FRMD5: variants seen among roughly 807,000 people sequenced by gnomAD.
The protein encoded by FRMD5 is FERM domain-containing protein 5.
In FRMD5, 20 loss-of-function variants were observed where a neutral mutation model predicts 69.0. The observed-to-expected ratio is 0.29, with a 90% CI of 0.20 to 0.42. The LOEUF (loss-of-function observed/expected upper bound fraction) is 0.42, where lower values mean the gene tolerates loss of function less well. Ranked by LOEUF, FRMD5 falls within the 10% of genes least tolerant of loss-of-function variation. The pLI is 1.00. For synonymous variants in FRMD5, 271 were observed against 260.1 expected (o/e 1.04, Z -0.40); for missense variants, 595 against 708.6 (o/e 0.84, Z 1.82).
At chr15:43,918,518 A>G (rs141699680) in intron 4 of FRMD5, among the ~76,000 whole-genome samples, 1 of 152,232 alleles carries the variant, frequency 6.6e-6, no homozygotes, top group East Asian at 1.9e-4. Flanking sequence ...CTAGGAGTGG[A>G]TCTCAAAGCC....
chr15:44,005,431 A>G (rs889935595), intron 1 of FRMD5, among the ~76,000 whole-genome samples: 3 of 132,634 alleles, frequency 2.3e-5, no homozygotes, highest in African/African-American at 5.5e-5. Flanking sequence ...AGATCACGCC[A>G]TTGCACTCCA....
chr15:43,971,610 G>C (rs1339510163), intron 1 of FRMD5, among the ~76,000 whole-genome samples: 1 of 148,946 alleles, frequency 6.7e-6, no homozygotes, highest in East Asian at 2.0e-4. Context: ...CTTGAACCCA[G>C]GAGGTGGAGG....
At chr15:44,072,936 C>A (rs1332566373) in intron 1 of FRMD5, among the ~76,000 whole-genome samples, 2 of 152,162 alleles carry the variant, frequency 1.3e-5, no homozygotes, top group Non-Finnish European at 2.9e-5. Flanking sequence ...TCAAGACCAA[C>A]CTGGGCAACA....
intron 1 of FRMD5, among the ~76,000 whole-genome samples, chr15:44,175,775 A>C (rs964123847): frequency 2.6e-5 from 4 of 152,222 alleles, no homozygotes; most frequent in Non-Finnish European, 5.9e-5. Flanking sequence ...AATAGTACTC[A>C]GCAATGAAAT....
chr15:44,196,021 A>G (rs1308691258), upstream of FRMD5, among the ~76,000 whole-genome samples: 3 of 152,316 alleles, frequency 2.0e-5, no homozygotes, highest in East Asian at 5.8e-4. Flanking sequence ...TCTCAATAGA[A>G]CAACATAGTA....
At chr15:44,059,672 C>A (rs1349752085) in intron 1 of FRMD5, among the ~76,000 whole-genome samples, 2 of 151,950 alleles carry the variant, frequency 1.3e-5, no homozygotes, top group East Asian at 3.9e-4. Context: ...CCACCACGCC[C>A]AGCTAATTTT....
chr15:44,133,595 A>C (rs1012467889), intron 1 of FRMD5, among the ~76,000 whole-genome samples: 2 of 138,130 alleles, frequency 1.4e-5, no homozygotes, highest in Non-Finnish European at 3.2e-5. Context: ...AAAAAAAAAA[A>C]CTGAAAAAAG....
At chr15:44,192,240 T>C (rs2078209433) in intron 1 of FRMD5, among the ~76,000 whole-genome samples, 1 of 152,118 alleles carries the variant, frequency 6.6e-6, no homozygotes, top group Non-Finnish European at 1.5e-5. Flanking sequence ...AAATGCTGCA[T>C]TATGAAAGGA....
At chr15:43,969,164 T>G (rs907367510) in intron 1 of FRMD5, among the ~76,000 whole-genome samples, 4 of 151,910 alleles carry the variant, frequency 2.6e-5, no homozygotes, top group South Asian at 4.2e-4. Context: ...CATGGCTCAC[T>G]GCAGCCTCCA....
intron 1 of FRMD5, among the ~76,000 whole-genome samples, chr15:44,176,184 G>T (rs2077891078): frequency 6.6e-6 from 1 of 152,164 alleles, no homozygotes; most frequent in Non-Finnish European, 1.5e-5. Context: ...AAGGTAAATA[G>T]ATAGATCAAT....
chr15:44,030,973 G>GA (rs55964111), intron 1 of FRMD5, among the ~76,000 whole-genome samples: 124,998 of 148,106 alleles, frequency 0.84, 54,328 homozygotes, highest in Non-Finnish European at 0.94. Flanking sequence ...ACCAGAAAAA[G>GA]AAAAAAAAAA....
chr15:44,164,196 T>G (rs1319947817), intron 1 of FRMD5, among the ~76,000 whole-genome samples: 1 of 152,224 alleles, frequency 6.6e-6, no homozygotes, highest in African/African-American at 2.4e-5. Context: ...TTGGTTTCCC[T>G]GAAAGCCCTT....
intron 1 of FRMD5, chr15:43,989,382 G>T: frequency 1.3e-6 from 1 of 785,338 alleles, no homozygotes; most frequent in Non-Finnish European, 2.3e-6. Flanking sequence ...GGGATTCCAT[G>T]CCCAGGAAGG....
chr15:44,059,742 C>G (rs569794629), intron 1 of FRMD5, among the ~76,000 whole-genome samples: 1 of 152,136 alleles, frequency 6.6e-6, no homozygotes, highest in African/African-American at 2.4e-5. Flanking sequence ...GTCTCTATCT[C>G]CTGACCTCGT....
At chr15:44,065,025 C>T (rs915468273) in intron 1 of FRMD5, among the ~76,000 whole-genome samples, 1 of 152,188 alleles carries the variant, frequency 6.6e-6, no homozygotes, top group African/African-American at 2.4e-5. Flanking sequence ...GATAGTGTAG[C>T]GGTTAAGAGC....
chr15:44,091,100 A>C (rs1014796492), intron 1 of FRMD5, among the ~76,000 whole-genome samples: 8 of 152,198 alleles, frequency 5.3e-5, no homozygotes, highest in African/African-American at 1.4e-4. Context: ...GTAAGCTATT[A>C]ATAATGGTAT....
upstream of FRMD5, among the ~76,000 whole-genome samples, chr15:44,196,689 A>ATTTT (rs374948519): frequency 4.1e-5 from 5 of 121,062 alleles, no homozygotes; most frequent in African/African-American, 1.6e-4. Context: ...ATTTTCCCCA[A>ATTTT]TTTTTTTTTT....
At chr15:44,194,398 C>T (rs566327776) in intron 1 of FRMD5, 2 of 164,218 alleles carry the variant, frequency 1.2e-5, no homozygotes, top group African/African-American at 2.4e-5. Flanking sequence ...ACCCAGAGGA[C>T]TGGGCTTCCT....
At chr15:44,180,559 C>CG (rs1241336954) in intron 1 of FRMD5, among the ~76,000 whole-genome samples, 2 of 152,088 alleles carry the variant, frequency 1.3e-5, no homozygotes, top group African/African-American at 4.8e-5. Flanking sequence ...CCAACATGGG[C>CG]GGATCACTTG....
Sources: allele counts gnomAD v4.1 joint callset (sites outside exome capture counted in the v4.1 genomes callset), GRCh38; gene constraint gnomAD v4.1.1; transcripts MANE v1.5; gene names NCBI Gene and HGNC (gene_info 2026-07-23, HGNC 2026-07-21).